The following DNAAF11 variants were observed in gnomAD, a reference collection of about 807,000 sequenced individuals.
The protein encoded by DNAAF11 is leucine rich repeat containing 6.
A neutral mutation model predicts 60.8 loss-of-function variants in DNAAF11; 45 were observed. That is an observed-to-expected ratio of 0.74 (90% confidence interval 0.58 to 0.95). The LOEUF (loss-of-function observed/expected upper bound fraction) is 0.95. DNAAF11 is among the 40% of genes least tolerant of loss of function. The pLI is 0.00. For missense variants in DNAAF11, 546 were observed against 546.2 expected (o/e 1.00, Z 0.00); for synonymous variants, 191 against 183.5 (o/e 1.04, Z -0.33).
chr8:132,640,731 C>T (rs1048423954), intron 3 of DNAAF11, among the ~76,000 whole-genome samples: 2 of 152,102 alleles, frequency 1.3e-5, no homozygotes, highest in African/African-American at 4.8e-5. Flanking sequence ...AGGTTCTTAT[C>T]ACCTTTTGCA....
chr8:132,675,639 A>C, upstream of DNAAF11: 2 of 753,990 alleles, frequency 2.7e-6, no homozygotes, highest in Non-Finnish European at 4.0e-6. Flanking sequence ...GCGGGACCAA[A>C]ACAAGCCGCG....
Position 132,611,362 on chromosome 8 carries a change from AC to A in DNAAF11, c.975del (p.Arg325SerfsTer7). ...KQIILDLAVYRYMDTSLIDVD... is the reference protein window; with the variant it reads ...KQIILDLAVYXYMDTSLIDVD... ...ACATCGATTAAAGAGGTATCCATAT[AC>A]CTTCAAAATTAAACACAGAAAATCT... On this transcript the variant is annotated frameshift_variant and splice_region_variant, in exon 9 of 12. Transcript: ENST00000620350. LOFTEE classifies it high-confidence loss of function. The A allele has an allele frequency of 6.3e-7, 1 of 1,581,184 alleles. No individual in the cohort carries two copies. Among genetic ancestry groups the A allele is most frequent in the Non-Finnish European group, 8.7e-7 (1 of 1,152,700 alleles).
intron 8 of DNAAF11, among the ~76,000 whole-genome samples, chr8:132,613,598 A>G (rs1818871250): frequency 1.3e-5 from 2 of 152,216 alleles, no homozygotes; most frequent in Admixed American, 6.5e-5. Flanking sequence ...GAACTAGACA[A>G]TGGTAATGGT....
intron 2 of DNAAF11, among the ~76,000 whole-genome samples, chr8:132,661,091 A>G (rs1466409125): frequency 6.6e-6 from 1 of 152,128 alleles, no homozygotes; most frequent in Admixed American, 6.5e-5. Flanking sequence ...TAACCTGACA[A>G]GGACTCCCTC....
At chr8:132,688,330 G>T in the DNAAF11 span, among the ~76,000 whole-genome samples, 1 of 152,120 alleles carries the variant, frequency 6.6e-6, no homozygotes, top group East Asian at 1.9e-4. Flanking sequence ...ACATATCTTG[G>T]CTCTGCCTAC....
intron 3 of DNAAF11, among the ~76,000 whole-genome samples, chr8:132,644,298 A>G (rs1445180098): frequency 6.6e-6 from 1 of 152,212 alleles, no homozygotes; most frequent in Non-Finnish European, 1.5e-5. Flanking sequence ...ATTCATAATA[A>G]CAAACGTAAT....
chr8:132,669,321 A>T (rs1824945653), intron 1 of DNAAF11, among the ~76,000 whole-genome samples: 1 of 152,208 alleles, frequency 6.6e-6, no homozygotes, highest in Admixed American at 6.5e-5. Context: ...TCACAGTGGC[A>T]AGGACACTGT....
the DNAAF11 span, among the ~76,000 whole-genome samples, chr8:132,691,639 T>C: frequency 5.3e-5 from 8 of 152,174 alleles, no homozygotes; most frequent in African/African-American, 1.4e-4. Context: ...CAGTCTTACA[T>C]GGCAGCAGGT....
At chr8:132,638,720 T>C (rs910561524) in intron 3 of DNAAF11, among the ~76,000 whole-genome samples, 13 of 152,138 alleles carry the variant, frequency 8.5e-5, no homozygotes, top group South Asian at 4.2e-4. Context: ...AAAGGAATAA[T>C]AGAAAAAGGG....
At chr8:132,695,418 T>G in the DNAAF11 span, among the ~76,000 whole-genome samples, 2 of 152,234 alleles carry the variant, frequency 1.3e-5, no homozygotes, top group Middle Eastern at 3.4e-3. Context: ...AAATTGGCCT[T>G]AGACAGCAGC....
intron 7 of DNAAF11, among the ~76,000 whole-genome samples, chr8:132,616,328 CTTT>C (rs1819151517): frequency 6.6e-6 from 1 of 151,798 alleles, no homozygotes; most frequent in African/African-American, 2.4e-5. Context: ...CTTTTTTCTT[CTTT>C]ATTTAGCTGA....
chr8:132,574,191 T>C (rs1181900875), intron 11 of DNAAF11, among the ~76,000 whole-genome samples: 1 of 152,228 alleles, frequency 6.6e-6, no homozygotes, highest in Non-Finnish European at 1.5e-5. Flanking sequence ...CTTTTCTGCA[T>C]AGTCAGTCAT....
intron 1 of DNAAF11, 122 bp downstream of exon 1, chr8:132,675,362 G>T: frequency 8.9e-7 from 1 of 1,123,720 alleles, no homozygotes; most frequent in Non-Finnish European, 1.3e-6. Flanking sequence ...GTGGGGTTAG[G>T]GTCCGCCCAG....
intron 2 of DNAAF11, 72 bp downstream of exon 2, chr8:132,661,388 A>T (rs1824114525): frequency 8.0e-7 from 1 of 1,253,962 alleles, no homozygotes. Context: ...TTCTAAAAAT[A>T]ACACAGCACT....
chr8:132,578,447 G>A lies in DNAAF11; in HGVS notation c.1226+5247C>T, dbSNP rs1181223905. 1.5e-5 allele frequency: 23 copies of A among 1,523,204 alleles called. No individual in the cohort carries two copies. The Admixed American group carries it at 1.9e-4, about 13-fold the overall frequency. 94.4% of individuals were successfully genotyped at this position (1,523,204 alleles called of 1,614,324 possible). The stretch of plus-strand genomic sequence containing the variant: ...CCTTAATGTCAGAGGCCTCTAGGAC[G>A]GACGCCCATCACTGGTCTTACCCAC... On this transcript the variant is annotated intron_variant, in intron 11 of 11. Coordinates refer to ENST00000620350, the MANE Select transcript of DNAAF11 (RefSeq NM_012472.6).
intron 1 of DNAAF11, among the ~76,000 whole-genome samples, chr8:132,670,710 C>CA (rs1563720596): frequency 6.6e-6 from 1 of 151,892 alleles, no homozygotes; most frequent in African/African-American, 2.4e-5. Flanking sequence ...AAATCCTAAG[C>CA]AAAAAAATTT....
the DNAAF11 span, among the ~76,000 whole-genome samples, chr8:132,695,878 A>G: frequency 2.6e-5 from 4 of 152,354 alleles, no homozygotes; most frequent in African/African-American, 9.6e-5. Flanking sequence ...GATTTTATTG[A>G]CAGCACATGG....
Position 132,583,690 on chromosome 8 carries a change from G to A in DNAAF11, c.1226+4C>T, listed in dbSNP as rs1268109685. 4 of 1,610,932 alleles carry A rather than the reference G, an allele frequency of 2.5e-6. No individual in the cohort carries two copies. In the Admixed American group the frequency reaches 5.0e-5, roughly 20 times the overall value. On this transcript the variant is annotated splice_donor_region_variant and intron_variant, in intron 11 of 11. Coordinates refer to ENST00000620350, the MANE Select transcript of DNAAF11 (RefSeq NM_012472.6). Reference sequence around the variant, plus strand: ...CAGCTAAGGACAGTCTGGGAGGGTGGTACCTTGTATTTGTTTGTTCTCTGC... The same window carrying A: ...CAGCTAAGGACAGTCTGGGAGGGTGATACCTTGTATTTGTTTGTTCTCTGC...
At chr8:132,651,702 C>G (rs185382734) in intron 3 of DNAAF11, among the ~76,000 whole-genome samples, 1 of 152,286 alleles carries the variant, frequency 6.6e-6, no homozygotes, top group Non-Finnish European at 1.5e-5. Context: ...ATACTTACTT[C>G]ACAAAATTAA....
Sources: gnomAD v4.1 joint callset for allele counts (sites outside exome capture counted in the v4.1 genomes callset) on GRCh38, gnomAD v4.1.1 for gene constraint, MANE v1.5 for transcripts, NCBI Gene and HGNC (gene_info 2026-07-23, HGNC 2026-07-21) for gene names.